Variants in RBFOX1 observed in about 807,000 individuals in gnomAD.
The protein encoded by RBFOX1 is RNA binding protein fox-1 homolog 1.
RBFOX1 carries 8 observed loss-of-function variants against 57.7 expected under a neutral mutation model. That is an observed-to-expected ratio of 0.14 (90% CI 0.08 to 0.25). The LOEUF is 0.25. Ranked by LOEUF, RBFOX1 falls within the 10% of genes least tolerant of loss-of-function variation. The pLI is 1.00. For synonymous variants in RBFOX1, 326 were observed against 222.4 expected, an observed-to-expected ratio of 1.47 and a Z score of -4.15; for missense variants, 611 against 548.5, an observed-to-expected ratio of 1.11 and a Z score of -1.14.
intron 1 of RBFOX1, among the ~76,000 whole-genome samples, chr16:6,236,460 A>T (rs1029260633): frequency 2.6e-5 from 4 of 151,196 alleles, no homozygotes; most frequent in African/African-American, 9.8e-5. Flanking sequence ...TTTGAGGCAG[A>T]GTCTCACTCT....
chr16:6,514,220 A>C (rs1264830869), intron 2 of RBFOX1, among the ~76,000 whole-genome samples: 1 of 152,146 alleles, frequency 6.6e-6, no homozygotes, highest in East Asian at 1.9e-4. Context: ...CTCTCTGCTT[A>C]AAAGGATGTT....
At chr16:6,666,847 T>C (rs1226978005) in intron 3 of RBFOX1, among the ~76,000 whole-genome samples, 1 of 152,030 alleles carries the variant, frequency 6.6e-6, no homozygotes, top group Non-Finnish European at 1.5e-5. Flanking sequence ...TCCTCCCAAT[T>C]ACTCAGCCTA....
At chr16:6,694,560 C>G (rs1411858940) in intron 3 of RBFOX1, among the ~76,000 whole-genome samples, 1 of 152,060 alleles carries the variant, frequency 6.6e-6, no homozygotes, top group Non-Finnish European at 1.5e-5. Context: ...ATTTTGTTCA[C>G]TGAGGGCCTC....
Position 5,905,820 on chromosome 16 carries a change from C to T in RBFOX1, c.351+38485C>T, listed in dbSNP as rs141274178. Among the ~76,000 whole-genome samples the T allele has an allele frequency of 3.3e-3, 496 of 152,274 alleles. 4 individuals carry two copies. Among genetic ancestry groups the T allele is most frequent in the African/African-American group, 0.012 (481 of 41,544 alleles). On this transcript the variant is annotated intron_variant, in intron 4 of 19. Transcript: ENST00000641259. ...GAAGGGTGAGAAAACTGATCCACTC[C>T]CAAGCCCCAGCAAAGTGATACACTC... is the stretch of plus-strand genomic sequence containing the variant.
Position 5,971,874 on chromosome 16 carries a change from G to A in RBFOX1, c.351+104539G>A, listed in dbSNP as rs537086239. ...ATTAACATTTATGTCAGTAGACTGA[G>A]TAAAGCAGATGGCTCCATGTAATGT... is the stretch of plus-strand genomic sequence containing the variant. On this transcript the variant is annotated intron_variant, in intron 4 of 19. Coordinates refer to the RBFOX1 transcript ENST00000641259. 5.3e-5 allele frequency among the ~76,000 whole-genome samples: 8 copies of A among 152,340 alleles called. No individual in the cohort carries two copies. The South Asian group carries it at 1.2e-3, about 24-fold the overall frequency.
intron 4 of RBFOX1, among the ~76,000 whole-genome samples, chr16:7,159,541 GC>G (rs1185058585): frequency 6.6e-6 from 1 of 152,182 alleles, no homozygotes; most frequent in African/African-American, 2.4e-5. Flanking sequence ...AGCTTCCATG[GC>G]AGAAGGCAGG....
At chr16:6,835,616 G>T (rs1603630439) in intron 3 of RBFOX1, among the ~76,000 whole-genome samples, 1 of 151,838 alleles carries the variant, frequency 6.6e-6, no homozygotes, top group South Asian at 2.1e-4. Context: ...AGCTGGGCAT[G>T]GTGGTGCACG....
intron 1 of RBFOX1, among the ~76,000 whole-genome samples, chr16:5,251,044 A>C (rs1596306580): frequency 6.6e-6 from 1 of 152,092 alleles, no homozygotes; most frequent in African/African-American, 2.4e-5. Flanking sequence ...TCTTTCTTTT[A>C]TTCACACTAA....
At chr16:6,105,355 C>T (rs962314246) in intron 1 of RBFOX1, among the ~76,000 whole-genome samples, 10 of 152,068 alleles carry the variant, frequency 6.6e-5, no homozygotes, top group African/African-American at 2.4e-4. Context: ...TATACCGTGA[C>T]TCAAACTGTG....
chr16:5,266,091 C>A (rs2062850609), intron 1 of RBFOX1, among the ~76,000 whole-genome samples: 1 of 152,060 alleles, frequency 6.6e-6, no homozygotes, highest in African/African-American at 2.4e-5. Context: ...TACCTGCCTC[C>A]AAATGACATT....
intron 3 of RBFOX1, among the ~76,000 whole-genome samples, chr16:5,758,365 G>C (rs541270895): frequency 6.6e-6 from 1 of 152,274 alleles, no homozygotes; most frequent in Non-Finnish European, 1.5e-5. Flanking sequence ...ACCTGGAGAT[G>C]CTCTTGTAAC....
chr16:6,428,367 A>C (rs1302888494), intron 2 of RBFOX1, among the ~76,000 whole-genome samples: 1 of 151,802 alleles, frequency 6.6e-6, no homozygotes, highest in Non-Finnish European at 1.5e-5. Flanking sequence ...CATTATTATT[A>C]AGTTCATGTA....
chr16:7,166,201 A>G (rs2079475362), intron 4 of RBFOX1, among the ~76,000 whole-genome samples: 3 of 151,982 alleles, frequency 2.0e-5, no homozygotes, highest in Admixed American at 2.0e-4. Flanking sequence ...GTCAGTGGAG[A>G]TGGGGTTTTG....
chr16:6,648,750 G>C (rs368630797), intron 2 of RBFOX1, among the ~76,000 whole-genome samples: 30 of 152,278 alleles, frequency 2.0e-4, no homozygotes, highest in African/African-American at 7.2e-4. Context: ...CAGACAGAGA[G>C]CTGCTTTTTC....
intron 4 of RBFOX1, among the ~76,000 whole-genome samples, chr16:7,157,619 A>C (rs142410878): frequency 3.3e-5 from 5 of 152,028 alleles, no homozygotes; most frequent in Non-Finnish European, 7.4e-5. Context: ...TTCAAATATC[A>C]TTGGTTATTT....
intron 3 of RBFOX1, among the ~76,000 whole-genome samples, chr16:6,682,075 A>G (rs112750314): frequency 5.6e-4 from 86 of 152,310 alleles, no homozygotes; most frequent in African/African-American, 2.0e-3. Context: ...TGTTTTGCCC[A>G]ATAGAACAAA....
At chr16:6,042,320 C>T (rs1235532606) in intron 1 of RBFOX1, among the ~76,000 whole-genome samples, 4 of 151,898 alleles carry the variant, frequency 2.6e-5, no homozygotes, top group South Asian at 2.1e-4. Flanking sequence ...AGGATGGTCT[C>T]GATCTCTTAA....
At chr16:6,018,999 G>C (rs933957419), upstream of RBFOX1, 14 of 775,018 alleles carry the variant, frequency 1.8e-5, no homozygotes, top group African/African-American at 2.1e-4. Flanking sequence ...GAGGGGAAGG[G>C]GGAGGGGGCG....
At chr16:6,125,844 C>A (rs982990783) in intron 1 of RBFOX1, among the ~76,000 whole-genome samples, 1 of 152,108 alleles carries the variant, frequency 6.6e-6, no homozygotes, top group African/African-American at 2.4e-5. Flanking sequence ...GATGTACAAA[C>A]CTTCCTACTG....
Sources: gnomAD v4.1 joint callset for allele counts (sites outside exome capture counted in the v4.1 genomes callset) on GRCh38, gnomAD v4.1.1 for gene constraint, MANE v1.5 for transcripts, NCBI Gene and HGNC (gene_info 2026-07-23, HGNC 2026-07-21) for gene names.